SEMA5A: variants seen among roughly 807,000 people sequenced by gnomAD.
SEMA5A encodes the protein semaphorin 5A.
SEMA5A carries 55 observed loss-of-function variants against 135.5 expected under a neutral mutation model. The ratio of observed to expected loss-of-function variants is 0.41; its 90% confidence interval spans 0.33 to 0.51. The LOEUF (loss-of-function observed/expected upper bound fraction) is 0.51, where lower values mean the gene tolerates loss of function less well. Ranked by LOEUF, SEMA5A falls within the 20% of genes least tolerant of loss-of-function variation. SEMA5A has a pLI of 0.37. For synonymous variants in SEMA5A, 580 were observed against 546.5 expected (o/e 1.06, Z -0.85); for missense variants, 1,290 against 1,419.9 (o/e 0.91, Z 1.47).
intron 15 of SEMA5A, among the ~76,000 whole-genome samples, chr5:9,111,761 G>T (rs913341344): frequency 6.6e-6 from 1 of 152,160 alleles, no homozygotes; most frequent in Non-Finnish European, 1.5e-5. Flanking sequence ...GGAAGAGACT[G>T]TTCAGAGACA....
At chr5:9,087,223 T>C (rs1738748285) in intron 16 of SEMA5A, among the ~76,000 whole-genome samples, 1 of 152,248 alleles carries the variant, frequency 6.6e-6, no homozygotes, top group Non-Finnish European at 1.5e-5. Context: ...ATGGCTGTTT[T>C]CACATAACTG....
At chr5:9,087,056 G>A (rs1261659145) in intron 16 of SEMA5A, among the ~76,000 whole-genome samples, 1 of 152,158 alleles carries the variant, frequency 6.6e-6, no homozygotes, top group East Asian at 1.9e-4. Flanking sequence ...CTGAAAGATA[G>A]ACGACTAAGC....
At chr5:9,276,183 C>A (rs182850360) in intron 5 of SEMA5A, among the ~76,000 whole-genome samples, 1 of 152,016 alleles carries the variant, frequency 6.6e-6, no homozygotes, top group African/African-American at 2.4e-5. Flanking sequence ...AAACAGAGAG[C>A]CACATCATGA....
In SEMA5A at chr5:9,038,634, G is replaced by T. The variant is rs909641299; in HGVS notation, c.*4263C>A. On this transcript the variant is annotated 3_prime_UTR_variant, in exon 23 of 23. Transcript: ENST00000382496. ...TTAGCTGAGTATAGACTTGATATAT[G>T]TTTAAGGTAAAATTCCCTTTGATAT... 2.0e-5 allele frequency: 3 copies of T among 151,976 alleles called. No homozygotes were observed. Among genetic ancestry groups the T allele is most frequent in the Non-Finnish European group, 4.4e-5 (3 of 67,990 alleles). 9.4% of individuals were successfully genotyped at this position (151,976 alleles called of 1,614,324 possible). A position where few individuals can be genotyped will look rare whatever the true frequency, so the allele number is the denominator to read the frequency against.
At chr5:9,113,944 G>T (rs1740378606) in intron 15 of SEMA5A, among the ~76,000 whole-genome samples, 1 of 152,168 alleles carries the variant, frequency 6.6e-6, no homozygotes, top group South Asian at 2.1e-4. Flanking sequence ...TTCACTCCTA[G>T]ATATACAGTA....
chr5:9,162,010 C>T (rs1743282714), intron 11 of SEMA5A, among the ~76,000 whole-genome samples: 1 of 152,196 alleles, frequency 6.6e-6, no homozygotes, highest in African/African-American at 2.4e-5. Flanking sequence ...GTGGCAGATG[C>T]CCTGTGGGAG....
chr5:9,435,366 G>A (rs268482), intron 2 of SEMA5A, among the ~76,000 whole-genome samples: 138,934 of 152,214 alleles, frequency 0.91, 63,876 homozygotes, highest in Middle Eastern at 0.97. Flanking sequence ...TTAACAAAAT[G>A]TCAAGAAAAT....
chr5:9,438,685 C>T (rs769059894), intron 1 of SEMA5A, among the ~76,000 whole-genome samples: 17 of 152,184 alleles, frequency 1.1e-4, no homozygotes, highest in African/African-American at 3.6e-4. Flanking sequence ...TTTTTCTCTA[C>T]ACTTCCCAGG....
chr5:9,156,072 A>G (rs1219464362), intron 11 of SEMA5A, among the ~76,000 whole-genome samples: 1 of 152,202 alleles, frequency 6.6e-6, no homozygotes, highest in Non-Finnish European at 1.5e-5. Context: ...AAGAGCATGT[A>G]TTTGTGTTCA....
At chr5:9,542,654 C>T (rs922082766) in intron 1 of SEMA5A, among the ~76,000 whole-genome samples, 1 of 152,114 alleles carries the variant, frequency 6.6e-6, no homozygotes, top group Non-Finnish European at 1.5e-5. Context: ...ATTGCAGAAA[C>T]ATTTTTAAAT....
chr5:9,264,531 G>A (rs1224179266), intron 5 of SEMA5A, among the ~76,000 whole-genome samples: 1 of 152,132 alleles, frequency 6.6e-6, no homozygotes, highest in Non-Finnish European at 1.5e-5. Context: ...AGAAATGAAG[G>A]CAGAACTGAT....
chr5:9,132,528 C>A (rs563133294), intron 13 of SEMA5A, among the ~76,000 whole-genome samples: 23 of 152,204 alleles, frequency 1.5e-4, no homozygotes, highest in Non-Finnish European at 2.2e-4. Flanking sequence ...CTTAGACTTA[C>A]CAGCCTTCAA....
intron 1 of SEMA5A, among the ~76,000 whole-genome samples, chr5:9,509,162 G>GGAA (rs1736069533): frequency 1.3e-5 from 2 of 151,396 alleles, no homozygotes; most frequent in African/African-American, 4.9e-5. Context: ...GAAGAAAAGA[G>GGAA]CAGGATGAGA....
chr5:9,147,267 A>G (rs1307328331), intron 12 of SEMA5A, among the ~76,000 whole-genome samples: 1 of 152,148 alleles, frequency 6.6e-6, no homozygotes, highest in African/African-American at 2.4e-5. Context: ...CACTCAATAG[A>G]ACCAATGTCT....
At chr5:9,071,790 A>G (rs1737781842) in intron 16 of SEMA5A, among the ~76,000 whole-genome samples, 1 of 152,244 alleles carries the variant, frequency 6.6e-6, no homozygotes, top group South Asian at 2.1e-4. Context: ...CATATGGAAT[A>G]CTTATGGTTT....
At position 9,510,580 on chromosome 5, in the gene SEMA5A, TTTTAAGGAACTATATAAGTTCC is replaced by T. The variant is rs547737081; in HGVS notation, c.-175+34982_-175+35003del. On this transcript the variant is annotated intron_variant, in intron 1 of 22. Coordinates refer to ENST00000382496, the MANE Select transcript of SEMA5A (RefSeq NM_003966.3). ...TTTTATAAACGGGTTATAGCAAACT[TTTTAAGGAACTATATAAGTTCC>T]TTTAAGGAACTATTTGTCAACCTTA... Among the ~76,000 whole-genome samples, 57 of 152,300 alleles carry T rather than the reference TTTTAAGGAACTATATAAGTTCC, an allele frequency of 3.7e-4. No individual in the cohort carries two copies. The South Asian group carries it at 5.2e-3, about 14-fold the overall frequency.
chr5:9,414,925 T>A (rs370975563), intron 2 of SEMA5A, among the ~76,000 whole-genome samples: 3 of 152,326 alleles, frequency 2.0e-5, no homozygotes, highest in East Asian at 3.9e-4. Flanking sequence ...AGTGCCTGCA[T>A]ATAGCATGTC....
intron 1 of SEMA5A, among the ~76,000 whole-genome samples, chr5:9,494,377 T>C (rs981868355): frequency 2.0e-5 from 3 of 152,218 alleles, no homozygotes; most frequent in Non-Finnish European, 2.9e-5. Flanking sequence ...CTTTTCCTTC[T>C]GAATATAATC....
At chr5:9,501,523 G>T (rs1230841118) in intron 1 of SEMA5A, among the ~76,000 whole-genome samples, 1 of 152,170 alleles carries the variant, frequency 6.6e-6, no homozygotes, top group African/African-American at 2.4e-5. Context: ...GCATCCAAAA[G>T]CAATGTCAGC....
Sources: gnomAD v4.1 joint callset for allele counts (sites outside exome capture counted in the v4.1 genomes callset) on GRCh38, gnomAD v4.1.1 for gene constraint, MANE v1.5 for transcripts, NCBI Gene and HGNC (gene_info 2026-07-23, HGNC 2026-07-21) for gene names.